Variants in ARHGEF12 observed in about 807,000 individuals in gnomAD.
The protein encoded by ARHGEF12 is Rho guanine nucleotide exchange factor 12, also known as KMT2A/ARHGEF12 fusion protein.
In ARHGEF12, 66 loss-of-function variants were observed where a neutral mutation model predicts 211.2. That is an observed-to-expected ratio of 0.31 (90% CI 0.26 to 0.38). The LOEUF is 0.38. Ranked by LOEUF, ARHGEF12 falls within the 10% of genes least tolerant of loss-of-function variation. The pLI is 1.00. For synonymous variants in ARHGEF12, 592 were observed against 638.4 expected (o/e 0.93, Z 1.09); for missense variants, 1,429 against 1,869.5 (o/e 0.76, Z 4.34).
At chr11:120,386,357 T>C (rs1238632976) in intron 1 of ARHGEF12, among the ~76,000 whole-genome samples, 1 of 152,194 alleles carries the variant, frequency 6.6e-6, no homozygotes, top group Non-Finnish European at 1.5e-5. Context: ...GCTAGGACCC[T>C]AATTTATGAC....
chr11:120,395,469 A>G (rs1223600812), intron 1 of ARHGEF12, among the ~76,000 whole-genome samples: 1 of 152,238 alleles, frequency 6.6e-6, no homozygotes, highest in Non-Finnish European at 1.5e-5. Context: ...ATATAGATAC[A>G]GATATATGGA....
At chr11:120,455,737 G>A (rs1364356506) in intron 22 of ARHGEF12, among the ~76,000 whole-genome samples, 3 of 152,202 alleles carry the variant, frequency 2.0e-5, no homozygotes, top group African/African-American at 4.8e-5. Flanking sequence ...TGGAACACAA[G>A]AACATCACAG....
intron 10 of ARHGEF12, 118 bp downstream of exon 10, chr11:120,429,949 G>T: frequency 1.1e-5 from 12 of 1,110,188 alleles, no homozygotes; most frequent in African/African-American, 1.6e-5. Flanking sequence ...TAGGACAACA[G>T]GATGTCCTGT....
chr11:120,424,937 C>T lies in ARHGEF12; in HGVS notation c.406+522C>T, dbSNP rs140453944. Among the ~76,000 whole-genome samples the T allele has an allele frequency of 9.9e-5, 15 of 152,176 alleles. No homozygotes were observed. In the East Asian group the frequency reaches 1.5e-3, roughly 16 times the overall value. On this transcript the variant is annotated intron_variant, in intron 7 of 40. Coordinates refer to ENST00000397843, the MANE Select transcript of ARHGEF12 (RefSeq NM_015313.3). ...TAAATGATTATATAATCCAGAGTAG[C>T]GATCTTCTCTTGGAAATCTTTAGGG...
intron 4 of ARHGEF12, chr11:120,410,539 G>C (rs1343884351): frequency 6.6e-6 from 1 of 152,016 alleles, no homozygotes; most frequent in Non-Finnish European, 1.5e-5. Context: ...AAAAATACAG[G>C]AATTGCCCTC....
intron 1 of ARHGEF12, among the ~76,000 whole-genome samples, chr11:120,381,164 G>C (rs184360354): frequency 6.6e-6 from 1 of 152,322 alleles, no homozygotes; most frequent in Admixed American, 6.5e-5. Context: ...TCAGGGGACA[G>C]AGCTAGGTAA....
chr11:120,402,745 C>T (rs1944579082), intron 1 of ARHGEF12, among the ~76,000 whole-genome samples: 1 of 152,160 alleles, frequency 6.6e-6, no homozygotes, highest in Admixed American at 6.5e-5. Context: ...CTTCAGAACA[C>T]TTCTCACTGA....
At chr11:120,393,666 A>G (rs1944288514) in intron 1 of ARHGEF12, among the ~76,000 whole-genome samples, 1 of 152,248 alleles carries the variant, frequency 6.6e-6, no homozygotes, top group Non-Finnish European at 1.5e-5. Flanking sequence ...ATCAAAATTC[A>G]TGTAACAAAA....
chr11:120,343,406 G>A (rs1355587896), intron 1 of ARHGEF12, among the ~76,000 whole-genome samples: 2 of 152,216 alleles, frequency 1.3e-5, no homozygotes, highest in Non-Finnish European at 2.9e-5. Context: ...ATATAGGGAA[G>A]ACCGCTATAA....
At chr11:120,411,059 A>G (rs564012323) in intron 4 of ARHGEF12, 6 of 152,320 alleles carry the variant, frequency 3.9e-5, no homozygotes, top group East Asian at 1.9e-4. Context: ...TAGAAATACT[A>G]TACTAATATT....
At position 120,446,931 on chromosome 11, in the gene ARHGEF12, T is replaced by C. The variant is rs749807347; in HGVS notation, c.1452-17T>C. 5.0e-6 allele frequency: 8 copies of C among 1,606,988 alleles called. No homozygotes were observed. Among genetic ancestry groups the C allele is most frequent in the African/African-American group, 1.3e-5 (1 of 74,602 alleles). On this transcript the variant is annotated splice_polypyrimidine_tract_variant and intron_variant, in intron 17 of 40. Coordinates refer to ENST00000397843, the MANE Select transcript of ARHGEF12 (RefSeq NM_015313.3). ...TTTTCTTTAGGCTACCTCAGGAAACTTCTCTATTCCCTTCAGGCAGAAACG... is the reference window on the plus strand; with the variant it reads ...TTTTCTTTAGGCTACCTCAGGAAACCTCTCTATTCCCTTCAGGCAGAAACG...
At chr11:120,419,053 A>G (rs1162660653) in intron 4 of ARHGEF12, among the ~76,000 whole-genome samples, 1 of 150,866 alleles carries the variant, frequency 6.6e-6, no homozygotes, top group Non-Finnish European at 1.5e-5. Context: ...CCCGCCTCCC[A>G]GGTTCACGCC....
At chr11:120,467,902 G>A (rs1393025835) in intron 29 of ARHGEF12, among the ~76,000 whole-genome samples, 1 of 152,156 alleles carries the variant, frequency 6.6e-6, no homozygotes, top group Non-Finnish European at 1.5e-5. Flanking sequence ...GTGCTCGTCT[G>A]TTTATGTACT....
At chr11:120,446,619 C>T in intron 17 of ARHGEF12, 111 bp downstream of exon 17, 2 of 795,106 alleles carry the variant, frequency 2.5e-6, no homozygotes, top group Non-Finnish European at 3.9e-6. Flanking sequence ...ACCATATGGT[C>T]TTATTGTTAT....
At chr11:120,473,489 GC>G (rs1370972176) in intron 31 of ARHGEF12, among the ~76,000 whole-genome samples, 17 of 152,212 alleles carry the variant, frequency 1.1e-4, no homozygotes. Context: ...TGAAGCCTTG[GC>G]CTCCTGGACT....
chr11:120,405,652 G>A (rs1944678528), intron 1 of ARHGEF12, among the ~76,000 whole-genome samples: 1 of 152,150 alleles, frequency 6.6e-6, no homozygotes, highest in Admixed American at 6.5e-5. Context: ...GTGATGGGAA[G>A]GAAGGAACTT....
chr11:120,448,422 A>G, intron 20 of ARHGEF12, 74 bp downstream of exon 20: 2 of 1,081,392 alleles, frequency 1.8e-6, no homozygotes, highest in Non-Finnish European at 2.8e-6. Context: ...GTCTTCCATC[A>G]TCTTAGTATT....
chr11:120,478,187 A>T lies in ARHGEF12; in HGVS notation c.3564A>T (p.Ile1188=). 6.2e-7 allele frequency: 1 copy of T among 1,613,862 alleles called. No individual in the cohort carries two copies. The highest frequency in any genetic ancestry group is 8.5e-7 in the Non-Finnish European group (1 of 1,179,954). ...ATTTGGGATTAGAATCTACCTTAAT[A>T]TCGTCAAAACCTCAGTCTCATTCAC... ...DRDLGLESTL[I]SSKPQSHSLS... Residue 1188 remains isoleucine, a synonymous_variant, in exon 37 of 41, where the codon ATA becomes ATT. Coordinates refer to ENST00000397843, the MANE Select transcript of ARHGEF12 (RefSeq NM_015313.3).
intron 1 of ARHGEF12, among the ~76,000 whole-genome samples, chr11:120,396,726 T>C (rs2135524995): frequency 6.6e-6 from 1 of 152,136 alleles, no homozygotes; most frequent in East Asian, 1.9e-4. Flanking sequence ...TAGAAGAAAA[T>C]GTAGGGGTAA....
Sources: gnomAD v4.1 joint callset for allele counts (sites outside exome capture counted in the v4.1 genomes callset) on GRCh38, gnomAD v4.1.1 for gene constraint, MANE v1.5 for transcripts, NCBI Gene and HGNC (gene_info 2026-07-23, HGNC 2026-07-21) for gene names.